HOTAIR: variants seen among roughly 807,000 people sequenced by gnomAD.
HOTAIR encodes HOX transcript antisense RNA (non-protein coding).
At chr12:53,971,094 A>C (rs1939139338) in intron 1 of HOTAIR, among the ~76,000 whole-genome samples, 1 of 152,160 alleles carries the variant, frequency 6.6e-6, no homozygotes, top group Non-Finnish European at 1.5e-5. Flanking sequence ...CATAGTCCAT[A>C]GTTCCCCACC....
In HOTAIR at chr12:53,973,698, C is replaced by A. The variant is rs1311222948; in HGVS notation, n.59+1200G>T. On this transcript the variant is annotated intron_variant and non_coding_transcript_variant, in intron 1 of 6. Coordinates refer to ENST00000424518, the Ensembl canonical transcript of HOTAIR. The surrounding 1 kb of genome is among the most constrained non-coding windows in gnomAD (Gnocchi z 4.3). The stretch of plus-strand genomic sequence containing the variant: ...CAGCGTCCTGCCTCAAGCCTTCGAC[C>A]GTTTCTTCGACAACGCCTACTGCGG... The A allele has an allele frequency of 9.3e-6, 15 of 1,613,686 alleles. No homozygotes were observed. Among genetic ancestry groups the A allele is most frequent in the South Asian group, 2.2e-5 (2 of 91,088 alleles).
intron 1 of HOTAIR, chr12:53,974,886 A>C: frequency 3.1e-6 from 1 of 318,096 alleles, no homozygotes. Context: ...GCCCGAGGGG[A>C]CGCACGTGTA....
intron 3 of HOTAIR, among the ~76,000 whole-genome samples, chr12:53,967,090 G>A (rs573087765): frequency 6.6e-6 from 1 of 152,190 alleles, no homozygotes; most frequent in Non-Finnish European, 1.5e-5. Flanking sequence ...ACATTTTAAG[G>A]CCTAATCATT....
Position 53,973,475 on chromosome 12 carries a change from G to A in HOTAIR, n.59+1423C>T. 1 of 1,614,062 alleles carries A rather than the reference G, an allele frequency of 6.2e-7. No individual in the cohort carries two copies. The highest frequency in any genetic ancestry group is 8.5e-7 in the Non-Finnish European group (1 of 1,180,022). ...TCCGGGAGGTCTCCTACGGCCTGGA[G>A]CCATCCGGCAAGTGGCACCATCGGA... On this transcript the variant is annotated intron_variant and non_coding_transcript_variant, in intron 1 of 6. Transcript: ENST00000424518. The surrounding 1 kb of genome is among the most constrained non-coding windows in gnomAD (Gnocchi z 4.3).
chr12:53,966,500 AGGGGT>A (rs1939057624), intron 3 of HOTAIR: 1 of 152,510 alleles, frequency 6.6e-6, no homozygotes, highest in African/African-American at 2.4e-5. Flanking sequence ...GTGAGGCAGC[AGGGGT>A]GGGGAGGGCT....
chr12:53,971,282 C>T (rs1199626251), intron 1 of HOTAIR, among the ~76,000 whole-genome samples: 1 of 152,188 alleles, frequency 6.6e-6, no homozygotes, highest in Non-Finnish European at 1.5e-5. Flanking sequence ...AAAGGAGTAG[C>T]GCCCAGCATT....
rs972871775 is a variant in HOTAIR at position 53,972,490 on chromosome 12, G to A, written n.59+2408C>T. On this transcript the variant is annotated intron_variant and non_coding_transcript_variant, in intron 1 of 6. Transcript: ENST00000424518. ...TCCCTAGCCAGGGGCAGCACAGCAA[G>A]CCAGACAAAGTTGGGACACTGGCTT... is the stretch of plus-strand genomic sequence containing the variant. Among the ~76,000 whole-genome samples the A allele has an allele frequency of 4.6e-5, 6 of 131,744 alleles. No individual in the cohort carries two copies. In the East Asian group the frequency reaches 1.4e-3, roughly 31 times the overall value. The allele number at this position is 131,744 out of a possible 152,430, so 86.4% of individuals were successfully genotyped here. A position where few individuals can be genotyped will look rare whatever the true frequency, so the allele number is the denominator to read the frequency against.
intron 1 of HOTAIR, among the ~76,000 whole-genome samples, chr12:53,969,447 C>T (rs1006662231): frequency 6.6e-6 from 1 of 152,170 alleles, no homozygotes; most frequent in Admixed American, 6.5e-5. Context: ...GCTTAGGTGG[C>T]CTGACTTGGG....
chr12:53,974,599 C>T (rs557053867), intron 1 of HOTAIR, among the ~76,000 whole-genome samples: 52 of 152,134 alleles, frequency 3.4e-4, no homozygotes, highest in African/African-American at 1.2e-3. Context: ...GGGCGTTTCT[C>T]CCGGGTCCGC....
chr12:53,969,539 G>A (rs1939114581), intron 1 of HOTAIR, among the ~76,000 whole-genome samples: 1 of 152,212 alleles, frequency 6.6e-6, no homozygotes, highest in Admixed American at 6.6e-5. Context: ...TTGTTCCCTG[G>A]CTGGGGCTGG....
At chr12:53,972,133 TC>T (rs939020445) in intron 1 of HOTAIR, among the ~76,000 whole-genome samples, 6 of 151,606 alleles carry the variant, frequency 4.0e-5, no homozygotes, top group African/African-American at 1.5e-4. Flanking sequence ...CCAAACCTAG[TC>T]CCCCCCACCA....
chr12:53,969,049 A>G lies in HOTAIR; in HGVS notation n.60-293T>C, dbSNP rs1044404853. 7.9e-5 allele frequency: 12 copies of G among 152,382 alleles called. No individual in the cohort carries two copies. The East Asian group carries it at 2.3e-3, about 29-fold the overall frequency. 9.4% of individuals were successfully genotyped at this position (152,382 alleles called of 1,614,324 possible). A position where few individuals can be genotyped will look rare whatever the true frequency, so the allele number is the denominator to read the frequency against. ...GTCCGAGCCTTAATGTAGGAGCTAAAGCCAGAGAATCAGGGCTCCGGCCAA... is the reference window on the plus strand; with the variant it reads ...GTCCGAGCCTTAATGTAGGAGCTAAGGCCAGAGAATCAGGGCTCCGGCCAA... On this transcript the variant is annotated intron_variant and non_coding_transcript_variant, in intron 1 of 6. Coordinates refer to ENST00000424518, the Ensembl canonical transcript of HOTAIR.
At chr12:53,967,081 C>CT (rs1565712132) in intron 3 of HOTAIR, among the ~76,000 whole-genome samples, 1 of 152,190 alleles carries the variant, frequency 6.6e-6, no homozygotes, top group Non-Finnish European at 1.5e-5. Flanking sequence ...CTCATGGAGA[C>CT]ATTTTAAGGC....
intron 1 of HOTAIR, chr12:53,969,061 AG>A (rs1369384756): frequency 6.6e-6 from 1 of 152,230 alleles, no homozygotes; most frequent in Non-Finnish European, 1.5e-5. Context: ...CCAGAGAATC[AG>A]GGCTCCGGCC....
At chr12:53,971,915 G>C (rs1939153723) in intron 1 of HOTAIR, among the ~76,000 whole-genome samples, 1 of 152,206 alleles carries the variant, frequency 6.6e-6, no homozygotes. Context: ...GGCAGGACAG[G>C]GCTGAGAAAT....
chr12:53,962,548 A>C (rs929884448), exon 7 of HOTAIR: 1 of 152,196 alleles, frequency 6.6e-6, no homozygotes, highest in African/African-American at 2.4e-5. Flanking sequence ...TGGAAAATAT[A>C]TTCTGTGAGT....
intron 2 of HOTAIR, chr12:53,968,370 T>G (rs1199156590): frequency 6.6e-6 from 1 of 152,216 alleles, no homozygotes; most frequent in Non-Finnish European, 1.5e-5. Context: ...GCCTCGCTAA[T>G]GCACGATCCA....
exon 2 of HOTAIR, chr12:53,968,742 G>A (rs918382727): frequency 6.6e-6 from 1 of 152,396 alleles, no homozygotes; most frequent in Non-Finnish European, 1.5e-5. Context: ...GCAGGCAGAA[G>A]GCAGGGCCTG....
chr12:53,967,028 AC>A (rs1363564981), intron 3 of HOTAIR, among the ~76,000 whole-genome samples: 2 of 152,116 alleles, frequency 1.3e-5, no homozygotes, highest in African/African-American at 4.8e-5. Flanking sequence ...CGGAGGACTT[AC>A]CTTTTTCCTG....
Sources: allele counts gnomAD v4.1 joint callset (sites outside exome capture counted in the v4.1 genomes callset), GRCh38; gene constraint gnomAD v4.1.1; non-coding constraint Gnocchi (gnomAD v3.1); transcripts MANE v1.5; gene names NCBI Gene and HGNC (gene_info 2026-07-23, HGNC 2026-07-21).